Variants in ARHGAP44 observed in about 807,000 individuals in gnomAD.
ARHGAP44 encodes the protein rho GTPase-activating protein 44.
In ARHGAP44, 43 loss-of-function variants were observed where a neutral mutation model predicts 106.8. The ratio of observed to expected loss-of-function variants is 0.40; its 90% CI spans 0.32 to 0.52. The LOEUF is 0.52. ARHGAP44 is among the 20% of genes least tolerant of loss of function. ARHGAP44 has a pLI of 0.48. For synonymous variants in ARHGAP44, 439 were observed against 410.3 expected, an observed-to-expected ratio of 1.07 and a Z score of -0.85; for missense variants, 866 against 1,050.5, an observed-to-expected ratio of 0.82 and a Z score of 2.43.
intron 1 of ARHGAP44, among the ~76,000 whole-genome samples, chr17:12,804,674 C>T (rs2034219263): frequency 1.3e-5 from 2 of 152,216 alleles, no homozygotes; most frequent in African/African-American, 4.8e-5. Flanking sequence ...TAGCATTCAA[C>T]ACTTTGACCT....
chr17:12,899,367 A>G (rs2037306388), intron 3 of ARHGAP44, among the ~76,000 whole-genome samples: 1 of 152,220 alleles, frequency 6.6e-6, no homozygotes, highest in Non-Finnish European at 1.5e-5. Flanking sequence ...TCTGAAAGTC[A>G]AAGAGCCATT....
In ARHGAP44 at chr17:12,894,964, T is replaced by A; in HGVS notation, c.78T>A (p.Ser26Arg). Residue 26 changes from serine to arginine, a missense_variant, in exon 2 of 21, where the codon AGT (serine) becomes AGA (arginine). Transcript: ENST00000379672. ...GGGCTGAAAAGACAGAAGTTTTGAG[T>A]GAAGACCTTCTTCAGGTAAGGCGGC... The part of the protein sequence containing the change: ...VGRAEKTEVL[S>R]EDLLQVEKRL... 6.3e-7 allele frequency: 1 copy of A among 1,589,880 alleles called. No homozygotes were observed. The highest frequency in any genetic ancestry group is 1.1e-5 in the South Asian group (1 of 86,986).
rs188496179 is a variant in ARHGAP44, at chr17:12,800,220, A to G, written c.53+10329A>G. Among the ~76,000 whole-genome samples, 4 of 152,304 alleles carry G rather than the reference A, an allele frequency of 2.6e-5. No homozygotes were observed. The East Asian group carries it at 7.7e-4, about 29-fold the overall frequency. On this transcript the variant is annotated intron_variant, in intron 1 of 20. Transcript: ENST00000379672. ...CTGAAAATTACAACTTGAAATTGATACCCATTTGTCTCCTTTTCCCAAATC... is the reference window on the plus strand; with the variant it reads ...CTGAAAATTACAACTTGAAATTGATGCCCATTTGTCTCCTTTTCCCAAATC...
intron 1 of ARHGAP44, among the ~76,000 whole-genome samples, chr17:12,829,817 T>C (rs2035034225): frequency 6.6e-6 from 1 of 152,194 alleles, no homozygotes; most frequent in Non-Finnish European, 1.5e-5. Context: ...CTGCCCCACA[T>C]TCATGATCCA....
At chr17:12,903,447 T>C (rs534307693) in intron 3 of ARHGAP44, among the ~76,000 whole-genome samples, 1 of 152,126 alleles carries the variant, frequency 6.6e-6, no homozygotes, top group Non-Finnish European at 1.5e-5. Context: ...TTTGCTAAGA[T>C]CTTTTTACCT....
chr17:12,841,622 AC>A lies in ARHGAP44; in HGVS notation c.53+51732del, dbSNP rs1246859231. Among the ~76,000 whole-genome samples the A allele has an allele frequency of 3.8e-4, 56 of 146,084 alleles. 1 individual carries two copies. Among genetic ancestry groups the A allele is most frequent in the African/African-American group, 8.3e-4 (31 of 37,146 alleles). On this transcript the variant is annotated intron_variant, in intron 1 of 20. Coordinates refer to ENST00000379672, the MANE Select transcript of ARHGAP44 (RefSeq NM_014859.6). ...CACACACACACACACACACACACAC[AC>A]ACACACACACACACACAAACAAACA...
chr17:12,841,113 C>A (rs58425712), intron 1 of ARHGAP44, among the ~76,000 whole-genome samples: 3,592 of 152,242 alleles, frequency 0.024, 128 homozygotes, highest in African/African-American at 0.079. Flanking sequence ...TATATAATAA[C>A]CTTAGAAGAG....
chr17:12,793,450 G>A (rs1055899863), intron 1 of ARHGAP44, among the ~76,000 whole-genome samples: 2 of 152,172 alleles, frequency 1.3e-5, no homozygotes, highest in Non-Finnish European at 1.5e-5. Flanking sequence ...GCTCACGCCT[G>A]TAGTCCCAGC....
At chr17:12,847,675 G>A (rs570685732) in intron 1 of ARHGAP44, among the ~76,000 whole-genome samples, 1 of 151,872 alleles carries the variant, frequency 6.6e-6, no homozygotes, top group African/African-American at 2.4e-5. Context: ...CACTGCGCCC[G>A]GCTAATTTTT....
At chr17:12,916,972 G>A (rs897892882) in intron 5 of ARHGAP44, among the ~76,000 whole-genome samples, 4 of 152,168 alleles carry the variant, frequency 2.6e-5, no homozygotes, top group African/African-American at 9.7e-5. Context: ...ATGCTCATTA[G>A]AGCATTTTGG....
intron 2 of ARHGAP44, among the ~76,000 whole-genome samples, chr17:12,895,868 A>G (rs1379229111): frequency 6.6e-6 from 1 of 152,146 alleles, no homozygotes; most frequent in Non-Finnish European, 1.5e-5. Flanking sequence ...TCCATCAATG[A>G]TAGACTGGAT....
chr17:12,914,548 A>G (rs2037845564), intron 4 of ARHGAP44, among the ~76,000 whole-genome samples: 1 of 152,204 alleles, frequency 6.6e-6, no homozygotes. Context: ...TAGTCCCAGC[A>G]CTTTGGGAGG....
chr17:12,862,157 T>C (rs2036106014), intron 1 of ARHGAP44, among the ~76,000 whole-genome samples: 1 of 152,068 alleles, frequency 6.6e-6, no homozygotes, highest in African/African-American at 2.4e-5. Context: ...CTTGGCTGGG[T>C]CCCTTGGGAT....
In ARHGAP44 at chr17:12,984,700, C is replaced by G. The variant is rs1422337896; in HGVS notation, c.2109C>G (p.Gly703=). Residue 703 remains glycine, a synonymous_variant, in exon 20 of 21, where the codon GGC becomes GGG. Coordinates refer to ENST00000379672, the MANE Select transcript of ARHGAP44 (RefSeq NM_014859.6). The stretch of plus-strand genomic sequence containing the variant: ...CTCAGGGGTACTCCTTGGCCTCGGG[C>G]CAGCTCTCCCCAGCTGCAGCTCCTC... The part of the protein sequence containing the change: ...SYPQGYSLAS[G]QLSPAAAPPL... 6.2e-7 allele frequency: 1 copy of G among 1,613,566 alleles called. No homozygotes were observed. The highest frequency in any genetic ancestry group is 8.5e-7 in the Non-Finnish European group (1 of 1,179,768).
intron 16 of ARHGAP44, among the ~76,000 whole-genome samples, chr17:12,971,793 G>A (rs1490538244): frequency 6.6e-6 from 1 of 152,110 alleles, no homozygotes; most frequent in Non-Finnish European, 1.5e-5. Context: ...CCTCCTTGAA[G>A]CCATCCAGCG....
intron 16 of ARHGAP44, among the ~76,000 whole-genome samples, chr17:12,959,737 G>C (rs765808256): frequency 2.6e-5 from 4 of 152,146 alleles, no homozygotes; most frequent in Non-Finnish European, 5.9e-5. Flanking sequence ...AGTGAACTTT[G>C]GTTAGAAATT....
rs1354185945 is a variant in ARHGAP44 at position 12,976,354 on chromosome 17, T to C, written c.1763+2044T>C. On this transcript the variant is annotated intron_variant, in intron 18 of 20. Transcript: ENST00000379672. ...ACGGCCGGGCACGGTGGCTCACACC[T>C]GTAATCCCAGCACTTTGGGAGGCTG... Among the ~76,000 whole-genome samples the C allele has an allele frequency of 3.3e-5, 5 of 152,042 alleles. No homozygotes were observed. The East Asian group carries it at 9.7e-4, about 29-fold the overall frequency.
At chr17:12,944,652 A>ATTTTT (rs5819393) in intron 10 of ARHGAP44, among the ~76,000 whole-genome samples, 1 of 137,458 alleles carries the variant, frequency 7.3e-6, no homozygotes, top group Admixed American at 7.3e-5. Flanking sequence ...CGCCCAGCTA[A>ATTTTT]TTTTTTTTTT....
At chr17:12,876,000 G>A (rs562693314) in intron 1 of ARHGAP44, among the ~76,000 whole-genome samples, 10 of 152,174 alleles carry the variant, frequency 6.6e-5, no homozygotes, top group African/African-American at 9.7e-5. Context: ...TCCATCATGT[G>A]GGTCACACTG....
Sources: gnomAD v4.1 joint callset for allele counts (sites outside exome capture counted in the v4.1 genomes callset) on GRCh38, gnomAD v4.1.1 for gene constraint, MANE v1.5 for transcripts, NCBI Gene and HGNC (gene_info 2026-07-23, HGNC 2026-07-21) for gene names.